NRG3: variants seen among roughly 807,000 people sequenced by gnomAD.
NRG3 encodes the protein pro-neuregulin-3, membrane-bound isoform.
In NRG3, 31 loss-of-function variants were observed where a neutral mutation model predicts 66.9. That is an observed-to-expected ratio of 0.46 (90% CI 0.35 to 0.63). NRG3 has a LOEUF of 0.63. NRG3 is among the 20% of genes least tolerant of loss of function. The pLI is 0.00. For missense variants in NRG3, 910 were observed against 878.9 expected, an observed-to-expected ratio of 1.04 and a Z score of -0.45; for synonymous variants, 393 against 359.4, an observed-to-expected ratio of 1.09 and a Z score of -1.06.
intron 1 of NRG3, among the ~76,000 whole-genome samples, chr10:82,120,441 G>C (rs555790940): frequency 1.3e-5 from 2 of 152,198 alleles, no homozygotes; most frequent in South Asian, 4.1e-4. Flanking sequence ...AAGAAGTTCA[G>C]AGATAGCTGA....
rs1483715974 is a variant in NRG3, at chr10:82,860,135, C to T, written c.1028-5276C>T. On this transcript the variant is annotated intron_variant, in intron 3 of 8. Coordinates refer to ENST00000372141, the MANE Select transcript of NRG3 (RefSeq NM_001010848.4). ...CAAATAACTTCAACTAGGCCAGCCT[C>T]GTTGTGAAGAAATTTCCCCGGTAAC... 1.3e-5 allele frequency among the ~76,000 whole-genome samples: 2 copies of T among 152,146 alleles called. 1 individual carries two copies. Among genetic ancestry groups the T allele is most frequent in the African/African-American group, 4.8e-5 (2 of 41,430 alleles).
chr10:82,236,033 C>T (rs564860962), intron 1 of NRG3, among the ~76,000 whole-genome samples: 1 of 152,178 alleles, frequency 6.6e-6, no homozygotes, highest in Admixed American at 6.5e-5. Flanking sequence ...TACACACACA[C>T]ACCCCTCACT....
chr10:82,958,404 T>A (rs1850283794), intron 5 of NRG3, among the ~76,000 whole-genome samples: 1 of 152,310 alleles, frequency 6.6e-6, no homozygotes, highest in Middle Eastern at 3.4e-3. Context: ...TATAACTAGC[T>A]CTTTAAGAGT....
At chr10:82,523,146 T>A (rs975435147) in intron 2 of NRG3, among the ~76,000 whole-genome samples, 3 of 152,214 alleles carry the variant, frequency 2.0e-5, no homozygotes, top group Non-Finnish European at 4.4e-5. Context: ...TATATATTAT[T>A]TATCATTTCA....
At chr10:82,274,658 C>G (rs1401934453) in intron 1 of NRG3, among the ~76,000 whole-genome samples, 2 of 151,918 alleles carry the variant, frequency 1.3e-5, no homozygotes, top group East Asian at 1.9e-4. Context: ...TTTTAAAGCC[C>G]TTGGTGCTGT....
At chr10:82,369,954 C>T (rs2084776608) in intron 2 of NRG3, among the ~76,000 whole-genome samples, 1 of 137,904 alleles carries the variant, frequency 7.3e-6, no homozygotes, top group Non-Finnish European at 1.5e-5. Context: ...CAGCTGAAAC[C>T]CCTGAAGGAG....
intron 6 of NRG3, among the ~76,000 whole-genome samples, chr10:82,962,628 C>T (rs1157870545): frequency 2.6e-5 from 4 of 152,012 alleles, no homozygotes; most frequent in Non-Finnish European, 4.4e-5. Flanking sequence ...CACCTGAGGT[C>T]GGGAGTTCAA....
intron 2 of NRG3, among the ~76,000 whole-genome samples, chr10:82,566,939 A>G (rs1160152621): frequency 6.6e-6 from 1 of 151,990 alleles, no homozygotes; most frequent in Non-Finnish European, 1.5e-5. Flanking sequence ...GTGTCCTCAC[A>G]GTAAAGGAGT....
At chr10:82,210,575 A>G (rs993285602) in intron 1 of NRG3, among the ~76,000 whole-genome samples, 4 of 152,144 alleles carry the variant, frequency 2.6e-5, no homozygotes, top group African/African-American at 7.2e-5. Context: ...TGTTGGGCTG[A>G]ATAATTCATG....
intron 4 of NRG3, 81 bp from the exon 5 acceptor site, chr10:82,951,388 C>A: frequency 9.2e-7 from 1 of 1,088,930 alleles, no homozygotes; most frequent in Non-Finnish European, 1.4e-6. Flanking sequence ...AGACTCCTAC[C>A]AGCTCAGAAG....
intron 2 of NRG3, among the ~76,000 whole-genome samples, chr10:82,588,504 T>A (rs1377937266): frequency 2.0e-5 from 3 of 148,262 alleles, no homozygotes; most frequent in Admixed American, 1.3e-4. Context: ...CAATTGAACC[T>A]TTTTTTTTTC....
intron 2 of NRG3, among the ~76,000 whole-genome samples, chr10:82,636,175 A>G (rs1005609078): frequency 4.6e-5 from 7 of 152,106 alleles, no homozygotes. Context: ...CTGGAATTAT[A>G]GCCATTAATC....
chr10:82,199,364 A>C (rs1250142301), intron 1 of NRG3, among the ~76,000 whole-genome samples: 1 of 152,028 alleles, frequency 6.6e-6, no homozygotes, highest in African/African-American at 2.4e-5. Flanking sequence ...CTCTCCCTGC[A>C]CTCTAATTCT....
At chr10:82,629,066 T>A (rs1225359781) in intron 2 of NRG3, among the ~76,000 whole-genome samples, 1 of 152,094 alleles carries the variant, frequency 6.6e-6, no homozygotes, top group Non-Finnish European at 1.5e-5. Flanking sequence ...ATCTTTTAGA[T>A]TTGGGGAGGA....
chr10:82,331,533 C>T (rs2082134084), intron 1 of NRG3, among the ~76,000 whole-genome samples: 1 of 152,118 alleles, frequency 6.6e-6, no homozygotes, highest in Non-Finnish European at 1.5e-5. Context: ...AACTGTGCTT[C>T]CTAAATGGTC....
At chr10:82,541,524 C>T (rs1376611251) in intron 2 of NRG3, among the ~76,000 whole-genome samples, 1 of 152,046 alleles carries the variant, frequency 6.6e-6, no homozygotes, top group African/African-American at 2.4e-5. Flanking sequence ...TGACTGGGGG[C>T]TGCATGCACT....
intron 1 of NRG3, among the ~76,000 whole-genome samples, chr10:81,953,127 C>T (rs150953823): frequency 2.0e-4 from 30 of 152,260 alleles, no homozygotes; most frequent in African/African-American, 7.0e-4. Flanking sequence ...GGTCATTTCT[C>T]TCTAACACTC....
intron 1 of NRG3, among the ~76,000 whole-genome samples, chr10:82,077,194 A>T (rs1590020421): frequency 6.6e-6 from 1 of 152,256 alleles, no homozygotes; most frequent in East Asian, 1.9e-4. Flanking sequence ...ATTAATGTCT[A>T]CATTTATTTG....
In NRG3 at chr10:82,946,410, G is replaced by A. The variant is rs184502041; in HGVS notation, c.1055-5059G>A. Among the ~76,000 whole-genome samples the A allele has an allele frequency of 5.3e-5, 8 of 151,902 alleles. 1 individual carries two copies. Among genetic ancestry groups the A allele is most frequent in the East Asian group, 1.9e-4 (1 of 5,146 alleles). Reference sequence around the variant, plus strand: ...AAAAATTAGCTGGGCATGGTGGCACGCACCTGTAGTCCCAGCTGCTCGGGA... The same window carrying A: ...AAAAATTAGCTGGGCATGGTGGCACACACCTGTAGTCCCAGCTGCTCGGGA... On this transcript the variant is annotated intron_variant, in intron 4 of 8. Transcript: ENST00000372141.
Sources: allele counts gnomAD v4.1 joint callset (sites outside exome capture counted in the v4.1 genomes callset), GRCh38; gene constraint gnomAD v4.1.1; transcripts MANE v1.5; gene names NCBI Gene and HGNC (gene_info 2026-07-23, HGNC 2026-07-21).